Variants in WDFY3 observed in about 807,000 individuals in gnomAD.
WDFY3 encodes WD repeat and FYVE domain containing 3, also known as WD repeat and FYVE domain-containing protein 3.
WDFY3 carries 66 observed loss-of-function variants against 409.6 expected under a neutral mutation model. That is an observed-to-expected ratio of 0.16 (90% confidence interval 0.13 to 0.20). WDFY3 has a LOEUF of 0.20. Among genes scored for constraint, WDFY3 ranks in the 10% least tolerant of loss-of-function variants. The probability of loss-of-function intolerance (pLI) is 1.00; values close to 1 mark genes in which losing one functional copy is unlikely to be tolerated. For missense variants in WDFY3, 3,031 were observed against 4,298.1 expected, an observed-to-expected ratio of 0.71 and a Z score of 8.24; for synonymous variants, 1,521 against 1,537.1, an observed-to-expected ratio of 0.99 and a Z score of 0.25.
rs1361253986 is a variant in WDFY3, at chr4:84,810,215, A to G, written c.2017T>C (p.Trp673Arg). The G allele has an allele frequency of 6.2e-7, 1 of 1,614,126 alleles. No individual in the cohort carries two copies. The highest frequency in any genetic ancestry group is 8.5e-7 in the Non-Finnish European group (1 of 1,180,008). ...ACTTGATTCTGGTTCACTTTCTCCC[A>G]GCCATTCTTGGGTGGACAGCTCAAA... is the stretch of plus-strand genomic sequence containing the variant. ...RSLSCPPKNG[W>R]EKVNQNQVFE... Residue 673 changes from tryptophan to arginine, a missense_variant, in exon 14 of 68, where the codon TGG becomes CGG. Physicochemically the swap from Trp to Arg is moderately radical, Grantham distance 101 (BLOSUM62 -3). Transcript: ENST00000295888.
At chr4:84,817,892 A>G (rs1368482808) in intron 12 of WDFY3, among the ~76,000 whole-genome samples, 1 of 152,158 alleles carries the variant, frequency 6.6e-6, no homozygotes, top group African/African-American at 2.4e-5. Flanking sequence ...GAGACTCTCT[A>G]TTGTAATCAA....
chr4:84,963,265 A>G (rs531139682), intron 1 of WDFY3, among the ~76,000 whole-genome samples: 14 of 151,898 alleles, frequency 9.2e-5, no homozygotes, highest in Non-Finnish European at 1.9e-4. Flanking sequence ...CTCCACTAAA[A>G]ATACAAAAAT....
At chr4:84,791,726 G>C (rs993764106) in intron 21 of WDFY3, among the ~76,000 whole-genome samples, 8 of 152,142 alleles carry the variant, frequency 5.3e-5, no homozygotes, top group Admixed American at 3.9e-4. Context: ...TTACAGCACA[G>C]ACTAGTGATT....
chr4:84,721,884 T>C (rs1734913186), intron 46 of WDFY3, among the ~76,000 whole-genome samples: 1 of 152,244 alleles, frequency 6.6e-6, no homozygotes, highest in Non-Finnish European at 1.5e-5. Context: ...AAGTACACTA[T>C]CTTAGAGGAT....
chr4:84,687,968 G>T, intron 62 of WDFY3, 118 bp downstream of exon 62: 3 of 1,088,868 alleles, frequency 2.8e-6, no homozygotes, highest in Non-Finnish European at 4.1e-6. Context: ...TAATCCTCCT[G>T]CGGTAGCCTC....
intron 18 of WDFY3, among the ~76,000 whole-genome samples, chr4:84,797,426 T>G (rs897672691): frequency 5.3e-5 from 8 of 152,096 alleles, no homozygotes; most frequent in Non-Finnish European, 1.2e-4. Context: ...ATAAACTACA[T>G]GAGTATAGGA....
At chr4:84,943,639 C>A (rs1772426455) in intron 1 of WDFY3, among the ~76,000 whole-genome samples, 1 of 152,114 alleles carries the variant, frequency 6.6e-6, no homozygotes, top group African/African-American at 2.4e-5. Flanking sequence ...ATCAACTACA[C>A]AGGAGGTCAC....
chr4:84,923,821 A>G (rs1030495103), intron 2 of WDFY3, among the ~76,000 whole-genome samples: 31 of 152,186 alleles, frequency 2.0e-4, no homozygotes, highest in Admixed American at 5.2e-4. Flanking sequence ...CAACATGGTG[A>G]AAACCCTTCT....
At chr4:84,820,525 G>A (rs1363066960) in intron 11 of WDFY3, among the ~76,000 whole-genome samples, 3 of 152,060 alleles carry the variant, frequency 2.0e-5, no homozygotes, top group Non-Finnish European at 1.5e-5. Context: ...ACCAAAAAGA[G>A]AGAAAAGTTC....
Position 84,733,500 on chromosome 4 carries a change from T to C in WDFY3, c.7103A>G (p.Lys2368Arg), listed in dbSNP as rs746176616. The C allele has an allele frequency of 6.2e-7, 1 of 1,614,094 alleles. No homozygotes were observed. Among genetic ancestry groups the C allele is most frequent in the Non-Finnish European group, 8.5e-7 (1 of 1,180,004 alleles). ...WGPPIGSHLD[K>R]WMLEMTEGPC... ...CCCTTCTGTCATCTCCAGCATCCAC[T>C]TGTCGAGGTGGGAGCCGATGGGAGG... The change falls in exon 44 of 68, where the codon AAG becomes AGG. Residue 2368 changes from lysine to arginine, a missense_variant. Coordinates refer to ENST00000295888, the MANE Select transcript of WDFY3 (RefSeq NM_014991.6).
At chr4:84,784,886 A>C (rs1747233128) in intron 24 of WDFY3, among the ~76,000 whole-genome samples, 1 of 57,310 alleles carries the variant, frequency 1.7e-5, no homozygotes, top group Non-Finnish European at 4.3e-5. Flanking sequence ...ATATATATAT[A>C]TATATACACA....
At chr4:84,924,462 A>G (rs1052387283) in intron 2 of WDFY3, among the ~76,000 whole-genome samples, 1 of 152,216 alleles carries the variant, frequency 6.6e-6, no homozygotes, top group Non-Finnish European at 1.5e-5. Flanking sequence ...TATGCCAAGT[A>G]CCTACCATAT....
chr4:84,748,137 A>AGT (rs1227251001), intron 36 of WDFY3, among the ~76,000 whole-genome samples: 1 of 152,136 alleles, frequency 6.6e-6, no homozygotes, highest in Non-Finnish European at 1.5e-5. Flanking sequence ...CTTCATGAGA[A>AGT]GTCTGGTGGT....
rs1731206860 is a variant in WDFY3, at chr4:84,702,469, C to T, written c.8480G>A (p.Ser2827Asn). The T allele has an allele frequency of 6.2e-7, 1 of 1,612,854 alleles. No homozygotes were observed. Among genetic ancestry groups the T allele is most frequent in the African/African-American group, 1.3e-5 (1 of 74,982 alleles). ...CGCTGAATACCAGGCCTCGCGCACA[C>T]TGTGAAACATCCGGTCAGCCAGGTC... ...HFDLADRMFH[S>N]VREAWYSASK... Residue 2827 changes from serine (S) to asparagine (N), a missense_variant, in exon 56 of 68, where the codon AGT (serine) becomes AAT (asparagine). Ser to Asn is a conservative substitution (Grantham distance 46). Transcript: ENST00000295888.
intron 9 of WDFY3, 62 bp from the exon 10 acceptor site, chr4:84,827,043 C>G (rs1346485242): frequency 1.3e-6 from 2 of 1,547,550 alleles, no homozygotes; most frequent in Admixed American, 4.4e-5. Flanking sequence ...AGATTTAACA[C>G]AAAGTATTTT....
intron 3 of WDFY3, among the ~76,000 whole-genome samples, chr4:84,876,261 A>G (rs909783092): frequency 6.6e-6 from 1 of 152,178 alleles, no homozygotes; most frequent in Non-Finnish European, 1.5e-5. Flanking sequence ...GTTGTTCACC[A>G]ACATATCATT....
At chr4:84,752,173 G>T (rs1316932628) in intron 35 of WDFY3, among the ~76,000 whole-genome samples, 1 of 151,818 alleles carries the variant, frequency 6.6e-6, no homozygotes, top group Non-Finnish European at 1.5e-5. Context: ...AACAATATTG[G>T]TGCCAATTTT....
chr4:84,858,142 T>C (rs1760030289), intron 4 of WDFY3, among the ~76,000 whole-genome samples: 2 of 152,080 alleles, frequency 1.3e-5, no homozygotes, highest in Admixed American at 1.3e-4. Context: ...GATACAATAA[T>C]AACAATAATA....
At chr4:84,884,806 CAT>C (rs1261464126) in intron 3 of WDFY3, among the ~76,000 whole-genome samples, 6 of 152,082 alleles carry the variant, frequency 3.9e-5, no homozygotes, top group Admixed American at 2.6e-4. Flanking sequence ...CAGAACCAAA[CAT>C]GTGATAATTG....
Sources: gnomAD v4.1 joint callset for allele counts (sites outside exome capture counted in the v4.1 genomes callset) on GRCh38, gnomAD v4.1.1 for gene constraint, MANE v1.5 for transcripts, NCBI Gene and HGNC (gene_info 2026-07-23, HGNC 2026-07-21) for gene names.